ERC1: variants seen among roughly 807,000 people sequenced by gnomAD.
ERC1 encodes the protein ELKS/RAB6-interacting/CAST family member 1.
Under a neutral mutation model 132.0 loss-of-function variants are expected in ERC1, and 56 were observed. That is an observed-to-expected ratio of 0.42 (90% CI 0.34 to 0.53). The LOEUF is 0.53. Ranked by LOEUF, ERC1 falls within the 20% of genes least tolerant of loss-of-function variation. ERC1 has a pLI of 0.03. For synonymous variants in ERC1, 478 were observed against 476.1 expected, an observed-to-expected ratio of 1.00 and a Z score of -0.05; for missense variants, 1,202 against 1,349.9, an observed-to-expected ratio of 0.89 and a Z score of 1.72.
intron 18 of ERC1, among the ~76,000 whole-genome samples, chr12:1,472,444 T>A (rs1196823993): frequency 4.6e-5 from 7 of 150,868 alleles, no homozygotes; most frequent in Non-Finnish European, 1.0e-4. Context: ...AGGCCAGGAG[T>A]TCAAGACCAG....
intron 17 of ERC1, among the ~76,000 whole-genome samples, chr12:1,433,887 A>C (rs1247775457): frequency 6.6e-6 from 1 of 151,870 alleles, no homozygotes; most frequent in Non-Finnish European, 1.5e-5. Context: ...TGTGCTATCA[A>C]AAGTATACTC....
chr12:1,096,936 T>C (rs770434682), intron 3 of ERC1, among the ~76,000 whole-genome samples: 10 of 152,228 alleles, frequency 6.6e-5, no homozygotes, highest in African/African-American at 2.2e-4. Flanking sequence ...ATTATACTTA[T>C]CACATCTGAT....
At chr12:1,092,001 C>CTTTTTTTTTTTTT (rs34377863) in intron 3 of ERC1, among the ~76,000 whole-genome samples, 1 of 138,060 alleles carries the variant, frequency 7.2e-6, no homozygotes, top group Non-Finnish European at 1.6e-5. Context: ...TTAATCAATT[C>CTTTTTTTTTTTTT]TTTTTTTTTT....
intron 2 of ERC1, among the ~76,000 whole-genome samples, chr12:1,030,459 G>T (rs935742510): frequency 6.6e-6 from 1 of 152,160 alleles, no homozygotes; most frequent in Non-Finnish European, 1.5e-5. Flanking sequence ...GTGGTAGCTC[G>T]CACCTGTACT....
intron 15 of ERC1, among the ~76,000 whole-genome samples, chr12:1,362,008 T>TC (rs2086170904): frequency 6.6e-6 from 1 of 152,218 alleles, no homozygotes; most frequent in Admixed American, 6.5e-5. Flanking sequence ...ACCTTTTATC[T>TC]CCAAGTTGTT....
At chr12:1,275,493 G>A (rs2078201983) in intron 14 of ERC1, among the ~76,000 whole-genome samples, 1 of 152,146 alleles carries the variant, frequency 6.6e-6, no homozygotes, top group Non-Finnish European at 1.5e-5. Flanking sequence ...GAATAAATAG[G>A]AGAGTAAGGG....
rs773709095 is a variant in ERC1, at chr12:1,494,352, T to A, written c.*4122T>A. ...TCAAAGGAATGTCTTAAAGAGGATC[T>A]GGAGTTTCCCCCATGCAAATTAGGG... is the stretch of plus-strand genomic sequence containing the variant. On this transcript the variant is annotated 3_prime_UTR_variant, in exon 19 of 19. Coordinates refer to ENST00000360905, the MANE Select transcript of ERC1 (RefSeq NM_178040.4). 1 of 231,518 alleles carries A rather than the reference T, an allele frequency of 4.3e-6. No individual in the cohort carries two copies. Among genetic ancestry groups the A allele is most frequent in the Non-Finnish European group, 8.5e-6 (1 of 117,070 alleles). The allele number at this position is 231,518 out of a possible 1,614,324, so 14.3% of individuals were successfully genotyped here.
intron 12 of ERC1, among the ~76,000 whole-genome samples, chr12:1,235,378 A>G (rs558688316): frequency 3.9e-5 from 6 of 152,368 alleles, no homozygotes; most frequent in African/African-American, 1.2e-4. Context: ...ATAAAATTGA[A>G]TTCTATCGAT....
At chr12:1,007,770 A>G in intron 1 of ERC1, among the ~76,000 whole-genome samples, 1 of 150,028 alleles carries the variant, frequency 6.7e-6, no homozygotes, top group Non-Finnish European at 1.5e-5. Flanking sequence ...TGCACTAGCC[A>G]CACAAATATA....
At chr12:1,232,356 G>C (rs1487556653) in intron 12 of ERC1, among the ~76,000 whole-genome samples, 1 of 152,182 alleles carries the variant, frequency 6.6e-6, no homozygotes, top group East Asian at 1.9e-4. Flanking sequence ...TTCAAGATTT[G>C]AGAGATTCTC....
chr12:1,440,330 G>A (rs112319943), intron 17 of ERC1, among the ~76,000 whole-genome samples: 31,653 of 142,992 alleles, frequency 0.22, 6,398 homozygotes, highest in African/African-American at 0.55. Flanking sequence ...TCAGCCTCCC[G>A]AGTAGCTGGG....
intron 2 of ERC1, among the ~76,000 whole-genome samples, chr12:1,030,072 G>T (rs1967722735): frequency 6.6e-6 from 1 of 152,138 alleles, no homozygotes; most frequent in South Asian, 2.1e-4. Context: ...AAGACTTTTA[G>T]AATTTTTCTC....
intron 15 of ERC1, among the ~76,000 whole-genome samples, chr12:1,343,658 C>T (rs916450275): frequency 1.2e-4 from 18 of 152,172 alleles, no homozygotes; most frequent in East Asian, 9.7e-4. Context: ...GTGCCACTTA[C>T]GCTGTCTCAC....
chr12:1,144,636 G>GTATATATATATATATATATATATATA (rs1353092300), intron 8 of ERC1, among the ~76,000 whole-genome samples: 4 of 137,740 alleles, frequency 2.9e-5, no homozygotes, highest in African/African-American at 1.3e-4. Flanking sequence ...ATATATATAC[G>GTATATATATATATATATATATATATA]TGTATATATA....
At chr12:1,425,008 C>T (rs868359035) in intron 17 of ERC1, among the ~76,000 whole-genome samples, 1 of 152,218 alleles carries the variant, frequency 6.6e-6, no homozygotes, top group Middle Eastern at 3.4e-3. Context: ...TTTCTTAAAT[C>T]CTTAAAACCT....
chr12:1,005,336 T>A (rs1265385520), intron 1 of ERC1, among the ~76,000 whole-genome samples: 2 of 151,838 alleles, frequency 1.3e-5, no homozygotes, highest in African/African-American at 4.8e-5. Context: ...AGAGATGGGG[T>A]TTTGCCATGT....
chr12:1,338,829 G>C (rs1212477607), intron 15 of ERC1, among the ~76,000 whole-genome samples: 2 of 152,128 alleles, frequency 1.3e-5, no homozygotes, highest in Non-Finnish European at 2.9e-5. Context: ...ACTCAGCTCT[G>C]ATCTTCTAGA....
intron 8 of ERC1, among the ~76,000 whole-genome samples, chr12:1,145,911 A>G (rs543030819): frequency 3.9e-5 from 6 of 152,158 alleles, no homozygotes; most frequent in African/African-American, 1.2e-4. Context: ...TGGGTTCTCT[A>G]TTCTGTTCCA....
rs942127586 is a variant in ERC1 at position 1,110,318 on chromosome 12, C to T, written c.1288C>T (p.Arg430Trp). The T allele has an allele frequency of 8.1e-6, 13 of 1,610,108 alleles. No homozygotes were observed. Among genetic ancestry groups the T allele is most frequent in the African/African-American group, 6.7e-5 (5 of 74,710 alleles). ...AGAAATGAAGCAAATGGAAGTGTAT[C>T]GGAGCCATTCTAAATTTATGAAAAA... The part of the protein sequence containing the change: ...EEEMKQMEVY[R>W]SHSKFMKNKV... The change falls in exon 5 of 19, where the codon CGG becomes TGG. Residue 430 changes from arginine (R) to tryptophan (W), a missense_variant. Physicochemically the swap from Arg to Trp is moderately radical, Grantham distance 101. Transcript: ENST00000360905.
Sources: allele counts gnomAD v4.1 joint callset (sites outside exome capture counted in the v4.1 genomes callset), GRCh38; gene constraint gnomAD v4.1.1; transcripts MANE v1.5; gene names NCBI Gene and HGNC (gene_info 2026-07-23, HGNC 2026-07-21).